NME7: variants seen among roughly 807,000 people sequenced by gnomAD.
NME7 encodes NME/NM23 family member 7.
NME7 carries 41 observed loss-of-function variants against 49.1 expected under a neutral mutation model. The observed-to-expected ratio is 0.83, with a 90% CI of 0.65 to 1.08. The LOEUF (loss-of-function observed/expected upper bound fraction) is 1.08. NME7 is among the 50% of genes least tolerant of loss of function. The pLI is 0.00. For synonymous variants in NME7, 139 were observed against 150.6 expected (o/e 0.92, Z 0.56); for missense variants, 423 against 463.4 (o/e 0.91, Z 0.80).
At chr1:169,147,419 G>A (rs1195649126) in intron 11 of NME7, among the ~76,000 whole-genome samples, 1 of 152,202 alleles carries the variant, frequency 6.6e-6, no homozygotes, top group South Asian at 2.1e-4. Context: ...GACCCAGATT[G>A]CCTGGGTTCA....
chr1:169,281,292 A>G (rs1650002606), intron 7 of NME7, among the ~76,000 whole-genome samples: 1 of 152,188 alleles, frequency 6.6e-6, no homozygotes, highest in South Asian at 2.1e-4. Flanking sequence ...TAATTTTTGC[A>G]TACTGATTTT....
intron 3 of NME7, among the ~76,000 whole-genome samples, chr1:169,314,961 T>C (rs1386753205): frequency 6.6e-6 from 1 of 152,108 alleles, no homozygotes; most frequent in East Asian, 1.9e-4. Context: ...ATGAAGATGG[T>C]CTCTTCATAG....
chr1:169,348,630 C>T (rs1233458090), intron 1 of NME7, among the ~76,000 whole-genome samples: 1 of 152,044 alleles, frequency 6.6e-6, no homozygotes, highest in Non-Finnish European at 1.5e-5. Context: ...AGAGTGCCAC[C>T]TAGTGTTCAA....
intron 6 of NME7, among the ~76,000 whole-genome samples, chr1:169,288,077 A>G (rs1650347908): frequency 6.6e-6 from 1 of 152,130 alleles, no homozygotes; most frequent in Admixed American, 6.6e-5. Flanking sequence ...ATTTCCTATA[A>G]AACCCTCTGA....
At chr1:169,232,062 T>C (rs1428090804) in intron 9 of NME7, among the ~76,000 whole-genome samples, 1 of 152,166 alleles carries the variant, frequency 6.6e-6, no homozygotes, top group Non-Finnish European at 1.5e-5. Flanking sequence ...CAAACAGCTA[T>C]TATAAGCTCC....
At chr1:169,161,941 C>T (rs1479437775) in intron 11 of NME7, among the ~76,000 whole-genome samples, 2 of 147,850 alleles carry the variant, frequency 1.4e-5, no homozygotes, top group Non-Finnish European at 3.0e-5. Context: ...ATCGTAAAAC[C>T]TAAGATTGGT....
At chr1:169,177,052 T>C (rs1168782467) in intron 10 of NME7, among the ~76,000 whole-genome samples, 3 of 152,178 alleles carry the variant, frequency 2.0e-5, no homozygotes, top group African/African-American at 7.2e-5. Context: ...AAGAGAGGCA[T>C]TCTTAATATC....
At chr1:169,275,876 T>C (rs1213541281) in intron 7 of NME7, among the ~76,000 whole-genome samples, 2 of 133,784 alleles carry the variant, frequency 1.5e-5, no homozygotes, top group South Asian at 4.6e-4. Flanking sequence ...ACCTAATTTA[T>C]TGAGAGTTTT....
intron 1 of NME7, among the ~76,000 whole-genome samples, chr1:169,350,369 G>C (rs1005588183): frequency 6.6e-6 from 1 of 151,982 alleles, no homozygotes; most frequent in African/African-American, 2.4e-5. Flanking sequence ...AGGATAGAGA[G>C]GTATTAATAA....
At chr1:169,308,790 A>G (rs1043662964) in intron 4 of NME7, among the ~76,000 whole-genome samples, 2 of 152,184 alleles carry the variant, frequency 1.3e-5, no homozygotes, top group African/African-American at 2.4e-5. Flanking sequence ...AAGTAAATGT[A>G]TAAGTCTTAT....
chr1:169,346,032 G>C (rs1652941321), intron 1 of NME7, among the ~76,000 whole-genome samples: 2 of 151,978 alleles, frequency 1.3e-5, no homozygotes, highest in African/African-American at 4.8e-5. Flanking sequence ...AGATCTACCT[G>C]CAAAACATAT....
chr1:169,241,018 G>C (rs1421436102), intron 7 of NME7, among the ~76,000 whole-genome samples: 3 of 152,042 alleles, frequency 2.0e-5, no homozygotes, highest in African/African-American at 7.2e-5. Flanking sequence ...ATTCTTTCAA[G>C]TAAAAATGGT....
At chr1:169,324,601 T>C (rs1167157616) in intron 1 of NME7, 101 bp from the exon 2 acceptor site, 5 of 685,634 alleles carry the variant, frequency 7.3e-6, no homozygotes, top group Non-Finnish European at 1.3e-5. Context: ...AGAAACAAAA[T>C]TACTTCTACC....
At chr1:169,218,415 C>T (rs1661037014) in intron 10 of NME7, among the ~76,000 whole-genome samples, 1 of 151,962 alleles carries the variant, frequency 6.6e-6, no homozygotes, top group African/African-American at 2.4e-5. Flanking sequence ...GTGGTACCTC[C>T]TCTCTACAAA....
At chr1:169,237,730 G>C in intron 7 of NME7, 43 bp from the exon 8 acceptor site, 1 of 1,525,404 alleles carries the variant, frequency 6.6e-7, no homozygotes, top group Non-Finnish European at 9.0e-7. Context: ...AAAATTTTAA[G>C]ACATTTTAGT....
Position 169,138,651 on chromosome 1 carries a change from C to T in NME7, c.1099-5834G>A, listed in dbSNP as rs545148564. 7.9e-5 allele frequency among the ~76,000 whole-genome samples: 12 copies of T among 151,860 alleles called. No homozygotes were observed. The South Asian group carries it at 2.1e-3, about 26-fold the overall frequency. ...AGGGGATCACTTGAGCCTGGGAAGT[C>T]GAGGATGTAATGAGCTAAGATCATG... On this transcript the variant is annotated intron_variant, in intron 11 of 11. Transcript: ENST00000367811.
intron 10 of NME7, among the ~76,000 whole-genome samples, chr1:169,218,287 T>A (rs1453650954): frequency 1.3e-5 from 2 of 152,080 alleles, no homozygotes; most frequent in African/African-American, 4.8e-5. Flanking sequence ...ATACAAAACT[T>A]TTCCTGCTTG....
chr1:169,165,085 C>A (rs1450063599), intron 11 of NME7, among the ~76,000 whole-genome samples: 1 of 132,798 alleles, frequency 7.5e-6, no homozygotes, highest in South Asian at 2.3e-4. Flanking sequence ...ACAGAACATT[C>A]TAGAATGTCT....
At chr1:169,172,345 TGTGTGTGTGTATGTG>T (rs1659626116) in intron 10 of NME7, among the ~76,000 whole-genome samples, 1 of 65,894 alleles carries the variant, frequency 1.5e-5, no homozygotes, top group South Asian at 4.5e-4. Flanking sequence ...TGTGTGTGTG[TGTGTGTGTGTATGTG>T]TATGTGTGTA....
Sources: gnomAD v4.1 joint callset for allele counts (sites outside exome capture counted in the v4.1 genomes callset) on GRCh38, gnomAD v4.1.1 for gene constraint, MANE v1.5 for transcripts, NCBI Gene and HGNC (gene_info 2026-07-23, HGNC 2026-07-21) for gene names.